The following DRAXIN variants were observed in gnomAD, a reference collection of about 807,000 sequenced individuals.
The protein encoded by DRAXIN is dorsal repulsive axon guidance protein.
In DRAXIN, 27 loss-of-function variants were observed where a neutral mutation model predicts 33.9. The observed-to-expected ratio is 0.80, with a 90% confidence interval of 0.59 to 1.10. The LOEUF (loss-of-function observed/expected upper bound fraction) is 1.10. DRAXIN is among the 50% of genes least tolerant of loss of function. The pLI, the probability that DRAXIN is intolerant of heterozygous loss-of-function variation, is 0.00. For synonymous variants in DRAXIN, 178 were observed against 194.0 expected (o/e 0.92, Z 0.69); for missense variants, 371 against 460.8 (o/e 0.81, Z 1.78).
In DRAXIN at chr1:11,721,990, CA is replaced by C. The variant is rs1641664498; in HGVS notation, c.*2295del. 1 of 152,192 alleles carries C rather than the reference CA, an allele frequency of 6.6e-6. No individual in the cohort carries two copies. The highest frequency in any genetic ancestry group is 1.5e-5 in the Non-Finnish European group (1 of 68,076). 9.4% of individuals were successfully genotyped at this position (152,192 alleles called of 1,614,324 possible). On this transcript the variant is annotated 3_prime_UTR_variant, in exon 7 of 7. Coordinates refer to ENST00000294485, the MANE Select transcript of DRAXIN (RefSeq NM_198545.4). Reference sequence around the variant, plus strand: ...TACAAAAATTAGCCAGGCATGGTGGCAGGTGCCTGTAATCCCAGCTACTCAG... The same window carrying C: ...TACAAAAATTAGCCAGGCATGGTGGCGGTGCCTGTAATCCCAGCTACTCAG...
chr1:11,693,358 C>T (rs1328385492), intron 1 of DRAXIN, among the ~76,000 whole-genome samples: 2 of 152,076 alleles, frequency 1.3e-5, no homozygotes, highest in Admixed American at 6.5e-5. Flanking sequence ...AGGCCACTTC[C>T]TTTCCTCTGA....
Position 11,706,608 on chromosome 1 carries a change from T to C in DRAXIN, c.350T>C (p.Leu117Ser). ...AAGGACCTGCTCCTGGGACTGGCAT[T>C]GCCCTACCCCGAGAAGGAGAACCGA... ...QDKDLLLGLA[L>S]PYPEKENRPP... Residue 117 changes from leucine to serine, a missense_variant, in exon 2 of 7, where the codon TTG (leucine) becomes TCG (serine). Physicochemically the swap from Leu to Ser is moderately radical, Grantham distance 145. Transcript: ENST00000294485. This position sits in a 1 kb window ranked among gnomAD's most constrained non-coding sequence, Gnocchi z 5.5. 1 of 1,603,814 alleles carries C rather than the reference T, an allele frequency of 6.2e-7. No homozygotes were observed. The highest frequency in any genetic ancestry group is 8.5e-7 in the Non-Finnish European group (1 of 1,179,524).
upstream of DRAXIN, among the ~76,000 whole-genome samples, chr1:11,691,137 C>A (rs952046137): frequency 6.6e-6 from 1 of 152,220 alleles, no homozygotes; most frequent in South Asian, 2.1e-4. Context: ...ACAAAGGCCC[C>A]GCCGTTCCCC....
chr1:11,719,763 G>T lies in DRAXIN; in HGVS notation c.*67G>T. 1 of 1,366,026 alleles carries T rather than the reference G, an allele frequency of 7.3e-7. No individual in the cohort carries two copies. Among genetic ancestry groups the T allele is most frequent in the Admixed American group, 1.9e-5 (1 of 53,670 alleles). The allele number at this position is 1,366,026 out of a possible 1,614,324, so 84.6% of individuals were successfully genotyped here. A position where few individuals can be genotyped will look rare whatever the true frequency, so the allele number is the denominator to read the frequency against. On this transcript the variant is annotated 3_prime_UTR_variant, in exon 7 of 7. Transcript: ENST00000294485. ...AAGCCGGGCGATTTGTTTGTAACTA[G>T]CAGTGGGAGATCAAGTTGGGGAACA...
At position 11,705,573 on chromosome 1, in the gene DRAXIN, AC is replaced by A. The variant is rs1344683207; in HGVS notation, c.-10-675del. On this transcript the variant is annotated intron_variant, in intron 1 of 6. Transcript: ENST00000294485. This position sits in a 1 kb window ranked among gnomAD's most constrained non-coding sequence, Gnocchi z 4.8. Reference sequence around the variant, plus strand: ...AAAGGCAGAGCTGGGCCATCCTGGGACAGCCACACGGGGTTCAGGGCTCAGG... The same window carrying A: ...AAAGGCAGAGCTGGGCCATCCTGGGAAGCCACACGGGGTTCAGGGCTCAGG... Among the ~76,000 whole-genome samples the A allele has an allele frequency of 6.6e-6, 1 of 152,180 alleles. No individual in the cohort carries two copies. The highest frequency in any genetic ancestry group is 1.5e-5 in the Non-Finnish European group (1 of 68,030).
Position 11,720,037 on chromosome 1 carries a change from A to G in DRAXIN, c.*341A>G, listed in dbSNP as rs961618942. On this transcript the variant is annotated 3_prime_UTR_variant, in exon 7 of 7. Coordinates refer to ENST00000294485, the MANE Select transcript of DRAXIN (RefSeq NM_198545.4). ...CCAAGAGGCGTTTTTGAGAGTGGAA[A>G]AGAAATTTAAACTTCCCGAAAGAAG... The G allele has an allele frequency of 1.1e-5, 3 of 270,426 alleles. No individual in the cohort carries two copies. Among genetic ancestry groups the G allele is most frequent in the African/African-American group, 6.4e-5 (3 of 46,922 alleles). The allele number at this position is 270,426 out of a possible 1,614,324, so 16.8% of individuals were successfully genotyped here.
chr1:11,695,285 T>C (rs1325404752), intron 1 of DRAXIN, among the ~76,000 whole-genome samples: 1 of 152,150 alleles, frequency 6.6e-6, no homozygotes, highest in African/African-American at 2.4e-5. Flanking sequence ...CTGAAAAATA[T>C]TATCCACTTC....
intron 1 of DRAXIN, among the ~76,000 whole-genome samples, chr1:11,702,366 T>C (rs1641305512): frequency 1.4e-5 from 2 of 140,272 alleles, no homozygotes; most frequent in Admixed American, 7.0e-5. Context: ...CACACACACC[T>C]ACACACCCAC....
At chr1:11,697,760 C>A (rs1641213722) in intron 1 of DRAXIN, among the ~76,000 whole-genome samples, 2 of 152,126 alleles carry the variant, frequency 1.3e-5, no homozygotes, top group Admixed American at 6.5e-5. Flanking sequence ...AGGCAGCAGT[C>A]CCCAGCAGAG....
chr1:11,702,642 A>G (rs567444949), intron 1 of DRAXIN, among the ~76,000 whole-genome samples: 33 of 151,606 alleles, frequency 2.2e-4, no homozygotes, highest in Non-Finnish European at 4.3e-4. Context: ...ATGCTCACAC[A>G]TGCTCCACAC....
At chr1:11,690,822 C>G (rs1427324334), upstream of DRAXIN, among the ~76,000 whole-genome samples, 2 of 152,094 alleles carry the variant, frequency 1.3e-5, no homozygotes, top group African/African-American at 4.8e-5. This position sits in a 1 kb window ranked among gnomAD's most constrained non-coding sequence, Gnocchi z 4.2. Flanking sequence ...GCGCCCCGCG[C>G]GGTGATGGAT....
intron 5 of DRAXIN, among the ~76,000 whole-genome samples, chr1:11,714,520 T>C (rs1028690771): frequency 6.6e-6 from 1 of 152,172 alleles, no homozygotes; most frequent in African/African-American, 2.4e-5. Context: ...GCGGCACACC[T>C]CCACGGCACC....
Position 11,711,835 on chromosome 1 carries a change from T to A in DRAXIN, c.643-16T>A, listed in dbSNP as rs771559930. On this transcript the variant is annotated splice_polypyrimidine_tract_variant and intron_variant, in intron 3 of 6. Coordinates refer to ENST00000294485, the MANE Select transcript of DRAXIN (RefSeq NM_198545.4). The stretch of plus-strand genomic sequence containing the variant: ...GATTTGAAGGTTCCAACATCCCCCT[T>A]CTCCACGGTCTCCAGCAGGCACAGC... The A allele has an allele frequency of 1.9e-6, 3 of 1,604,740 alleles. No homozygotes were observed. The highest frequency in any genetic ancestry group is 2.2e-5 in the South Asian group (2 of 89,606).
intron 5 of DRAXIN, 138 bp from the exon 6 acceptor site, chr1:11,714,981 T>C: frequency 1.1e-6 from 1 of 948,138 alleles, no homozygotes; most frequent in Non-Finnish European, 1.6e-6. Context: ...TCAGGAGCCT[T>C]GCACACCAGA....
Position 11,719,616 on chromosome 1 carries a change from C to T in DRAXIN, c.970C>T (p.Arg324Cys). Residue 324 changes from arginine to cysteine, a missense_variant, in exon 7 of 7, where the codon CGC (arginine) becomes TGC (cysteine). Arg to Cys is a radical substitution (Grantham distance 180). Coordinates refer to ENST00000294485, the MANE Select transcript of DRAXIN (RefSeq NM_198545.4). ...CTGCTATGCCAAATTCCACCGGAAC[C>T]GCAGGGTTACACGGAGGAAAGGGCG... ...LRCYAKFHRN[R>C]RVTRRKGRCV... 2 of 1,613,804 alleles carry T rather than the reference C, an allele frequency of 1.2e-6. No individual in the cohort carries two copies. Among genetic ancestry groups the T allele is most frequent in the Middle Eastern group, 1.7e-4 (1 of 5,978 alleles).
At chr1:11,710,707 A>G (rs4846027) in intron 3 of DRAXIN, among the ~76,000 whole-genome samples, 104,563 of 145,806 alleles carry the variant, frequency 0.72, 37,570 homozygotes, top group East Asian at 0.84. Context: ...AAGGTCAGGA[A>G]ATCGAGACCA....
intron 1 of DRAXIN, among the ~76,000 whole-genome samples, chr1:11,698,414 G>T (rs1011713439): frequency 6.6e-6 from 1 of 152,168 alleles, no homozygotes; most frequent in South Asian, 2.1e-4. Context: ...ACTAGATCTG[G>T]GGCTGACTGC....
rs2100748760 is a variant in DRAXIN at position 11,724,779 on chromosome 1, C to T, written c.*5083C>T. ...AGAGACAGTGGAGAGGCCAGAGAAG[C>T]AAACCACTGTGGCTCCTCACTGGGG... On this transcript the variant is annotated 3_prime_UTR_variant, in exon 7 of 7. Transcript: ENST00000294485. 6.6e-6 allele frequency: 1 copy of T among 152,512 alleles called. No individual in the cohort carries two copies. The highest frequency in any genetic ancestry group is 2.4e-5 in the African/African-American group (1 of 41,582). The allele number at this position is 152,512 out of a possible 1,614,324, so 9.4% of individuals were successfully genotyped here.
upstream of DRAXIN, among the ~76,000 whole-genome samples, chr1:11,687,127 G>A (rs1398600297): frequency 2.0e-5 from 3 of 152,134 alleles, no homozygotes; most frequent in Non-Finnish European, 2.9e-5. This position sits in a 1 kb window ranked among gnomAD's most constrained non-coding sequence, Gnocchi z 4.1. Flanking sequence ...GTGCAGTGAC[G>A]CAATCACAGC....
Sources: allele counts gnomAD v4.1 joint callset (sites outside exome capture counted in the v4.1 genomes callset), GRCh38; gene constraint gnomAD v4.1.1; non-coding constraint Gnocchi (gnomAD v3.1); transcripts MANE v1.5; gene names NCBI Gene and HGNC (gene_info 2026-07-23, HGNC 2026-07-21).